CAMK1D: variants seen among roughly 807,000 people sequenced by gnomAD.
CAMK1D encodes calcium/calmodulin dependent protein kinase ID.
Under a neutral mutation model 47.7 loss-of-function variants are expected in CAMK1D, and 9 were observed. The observed-to-expected ratio is 0.19, with a 90% CI of 0.11 to 0.33. The LOEUF (loss-of-function observed/expected upper bound fraction) is 0.33. Among genes scored for constraint, CAMK1D ranks in the 10% least tolerant of loss-of-function variants. The pLI is 1.00. For synonymous variants in CAMK1D, 184 were observed against 184.9 expected, an observed-to-expected ratio of 0.99 and a Z score of 0.04; for missense variants, 291 against 488.7, an observed-to-expected ratio of 0.60 and a Z score of 3.81.
intron 5 of CAMK1D, among the ~76,000 whole-genome samples, chr10:12,774,275 G>A (rs1039112034): frequency 2.7e-5 from 4 of 147,750 alleles, no homozygotes; most frequent in African/African-American, 9.8e-5. Flanking sequence ...AGAGGGTGGT[G>A]GCAATTTTAA....
intron 1 of CAMK1D, among the ~76,000 whole-genome samples, chr10:12,393,090 G>C (rs1838801310): frequency 6.6e-6 from 1 of 150,682 alleles, no homozygotes; most frequent in Admixed American, 6.6e-5. Context: ...GGAGTGCAGT[G>C]GTGCAATCTC....
intron 1 of CAMK1D, among the ~76,000 whole-genome samples, chr10:12,471,731 T>C (rs905635543): frequency 7.9e-5 from 12 of 152,126 alleles, no homozygotes; most frequent in African/African-American, 2.6e-4. Context: ...AGGAGAGATA[T>C]GTTGAAAAAG....
intron 2 of CAMK1D, among the ~76,000 whole-genome samples, chr10:12,570,122 C>T (rs7087062): frequency 0.1 from 15,597 of 151,872 alleles, 1,184 homozygotes; most frequent in African/African-American, 0.21. Context: ...ATTGCTTGAA[C>T]CCAGGAGGTG....
At chr10:12,725,378 A>G (rs1834576538) in intron 3 of CAMK1D, 1 of 155,906 alleles carries the variant, frequency 6.4e-6, no homozygotes, top group Non-Finnish European at 1.5e-5. Flanking sequence ...AAGTATTTGT[A>G]GCTTCTTTCC....
chr10:12,806,559 C>T (rs1292989318), intron 6 of CAMK1D, among the ~76,000 whole-genome samples: 9 of 152,210 alleles, frequency 5.9e-5, no homozygotes, highest in Non-Finnish European at 1.3e-4. Flanking sequence ...ACCCCTTTTG[C>T]GTCCCTTTTG....
chr10:12,534,350 T>C (rs1835902903), intron 1 of CAMK1D, among the ~76,000 whole-genome samples: 1 of 151,952 alleles, frequency 6.6e-6, no homozygotes, highest in African/African-American at 2.4e-5. Flanking sequence ...GCTGGGATTA[T>C]AGGCACCCAC....
intron 1 of CAMK1D, among the ~76,000 whole-genome samples, chr10:12,523,608 G>C (rs959004817): frequency 6.6e-6 from 1 of 152,232 alleles, no homozygotes; most frequent in African/African-American, 2.4e-5. Context: ...AGTCAGGCGT[G>C]GCGGATCACG....
chr10:12,462,381 G>A (rs1032135648), intron 1 of CAMK1D, among the ~76,000 whole-genome samples: 1 of 151,708 alleles, frequency 6.6e-6, no homozygotes, highest in African/African-American at 2.4e-5. Context: ...AGCCAGGATG[G>A]TCTCCATCTC....
chr10:12,423,895 A>AT (rs1405681159), intron 1 of CAMK1D, among the ~76,000 whole-genome samples: 2 of 152,144 alleles, frequency 1.3e-5, no homozygotes, highest in African/African-American at 4.8e-5. Context: ...AGCCTCAGTG[A>AT]TTGAGTCTCT....
intron 8 of CAMK1D, among the ~76,000 whole-genome samples, chr10:12,818,905 CA>C (rs1832911278): frequency 6.6e-6 from 1 of 152,074 alleles, no homozygotes; most frequent in African/African-American, 2.4e-5. Context: ...TCACTTTGGG[CA>C]GTAGTCAAAG....
At chr10:12,801,047 C>T (rs1838407669) in intron 6 of CAMK1D, among the ~76,000 whole-genome samples, 2 of 152,174 alleles carry the variant, frequency 1.3e-5, no homozygotes, top group South Asian at 4.1e-4. Flanking sequence ...TCCACCTCAA[C>T]ATTGCTCTTC....
intron 4 of CAMK1D, among the ~76,000 whole-genome samples, chr10:12,764,200 G>T (rs1280860702): frequency 2.0e-5 from 3 of 152,028 alleles, no homozygotes; most frequent in African/African-American, 7.2e-5. Flanking sequence ...GACCAACATG[G>T]TGAAACCCCA....
At chr10:12,650,245 G>C (rs1373230545) in intron 2 of CAMK1D, among the ~76,000 whole-genome samples, 3 of 152,222 alleles carry the variant, frequency 2.0e-5, no homozygotes, top group Non-Finnish European at 4.4e-5. Context: ...TTCCTGTGCA[G>C]GGCTCACCAG....
chr10:12,725,902 G>A (rs12219417), intron 3 of CAMK1D, among the ~76,000 whole-genome samples: 2,661 of 151,758 alleles, frequency 0.018, 64 homozygotes, highest in South Asian at 0.14. Flanking sequence ...CATTACAGGC[G>A]CCCACCATCA....
intron 2 of CAMK1D, among the ~76,000 whole-genome samples, chr10:12,583,585 T>G (rs1464826746): frequency 6.6e-6 from 1 of 150,700 alleles, no homozygotes; most frequent in Non-Finnish European, 1.5e-5. Context: ...GTTTTGTGTG[T>G]GTTTTGTTGT....
chr10:12,737,791 A>G (rs779425303), intron 3 of CAMK1D, among the ~76,000 whole-genome samples: 5 of 152,228 alleles, frequency 3.3e-5, no homozygotes, highest in Non-Finnish European at 5.9e-5. Context: ...ACACAAGTAA[A>G]TATAAAATAC....
chr10:12,745,070 G>A (rs962259863), intron 3 of CAMK1D, among the ~76,000 whole-genome samples: 9 of 152,234 alleles, frequency 5.9e-5, no homozygotes, highest in Non-Finnish European at 8.8e-5. Flanking sequence ...TCTCGCCATC[G>A]TCCAGGCTGG....
intron 1 of CAMK1D, among the ~76,000 whole-genome samples, chr10:12,404,644 G>A (rs188966858): frequency 9.3e-4 from 142 of 152,112 alleles, no homozygotes; most frequent in African/African-American, 3.1e-3. Context: ...GTTTTAGAAC[G>A]TAAGGGACCT....
At chr10:12,757,046 C>T (rs1421296371) in intron 3 of CAMK1D, among the ~76,000 whole-genome samples, 4 of 152,208 alleles carry the variant, frequency 2.6e-5, no homozygotes, top group Non-Finnish European at 5.9e-5. Flanking sequence ...TCTTCTGCTT[C>T]CTTAATCTTT....
Sources: gnomAD v4.1 joint callset for allele counts (sites outside exome capture counted in the v4.1 genomes callset) on GRCh38, gnomAD v4.1.1 for gene constraint, MANE v1.5 for transcripts, NCBI Gene and HGNC (gene_info 2026-07-23, HGNC 2026-07-21) for gene names.